Variants in USH2A observed in about 807,000 individuals in gnomAD.
USH2A encodes the protein Usher syndrome 2A (autosomal recessive, mild).
Under a neutral mutation model 538.9 loss-of-function variants are expected in USH2A, and 443 were observed. The ratio of observed to expected loss-of-function variants is 0.82; its 90% confidence interval spans 0.76 to 0.89. USH2A has a LOEUF of 0.89. USH2A is among the 40% of genes least tolerant of loss of function. The pLI is 0.00. For missense variants in USH2A, 6,633 were observed against 6,324.8 expected (o/e 1.05, Z -1.65); for synonymous variants, 2,413 against 2,273.5 (o/e 1.06, Z -1.75).
In USH2A at chr1:216,350,240, TGAA is replaced by T. The variant is rs529887072; in HGVS notation, c.784+14710_784+14712del. Reference sequence around the variant, plus strand: ...TCACCTCCACCCTGGGGATTACAACTGAACATGCATGGGGACACAGATCCAAAC... The same window carrying T: ...TCACCTCCACCCTGGGGATTACAACTCATGCATGGGGACACAGATCCAAAC... On this transcript the variant is annotated intron_variant, in intron 4 of 71. Transcript: ENST00000307340. Among the ~76,000 whole-genome samples, 602 of 152,270 alleles carry T rather than the reference TGAA, an allele frequency of 4.0e-3. 4 individuals carry two copies. The highest frequency in any genetic ancestry group is 0.014 in the African/African-American group (570 of 41,558).
chr1:215,801,992 A>G (rs1451940285), intron 49 of USH2A, among the ~76,000 whole-genome samples: 1 of 151,432 alleles, frequency 6.6e-6, no homozygotes, highest in African/African-American at 2.4e-5. Context: ...GATTTTCAAC[A>G]AAAGTGCCAA....
At chr1:215,817,464 T>C (rs547767021) in intron 47 of USH2A, among the ~76,000 whole-genome samples, 63 of 152,056 alleles carry the variant, frequency 4.1e-4, no homozygotes, top group Non-Finnish European at 7.2e-4. Flanking sequence ...GCATTTTGTT[T>C]GGTAAGCAAA....
chr1:215,866,747 A>C (rs1571762089), intron 44 of USH2A, among the ~76,000 whole-genome samples: 2 of 152,192 alleles, frequency 1.3e-5, no homozygotes, highest in South Asian at 4.1e-4. Flanking sequence ...TCAAAGTAGG[A>C]GAGAGTTTGC....
intron 71 of USH2A, among the ~76,000 whole-genome samples, chr1:215,626,156 C>G (rs1558026611): frequency 6.6e-6 from 1 of 151,210 alleles, no homozygotes; most frequent in African/African-American, 2.4e-5. Flanking sequence ...GTCTACTCAT[C>G]TGTAGAGTGG....
intron 47 of USH2A, 35 bp from the exon 48 acceptor site, chr1:215,817,230 G>T: frequency 3.1e-6 from 5 of 1,603,698 alleles, no homozygotes; most frequent in South Asian, 2.2e-5. Context: ...CTTCTGAAAA[G>T]ACACTATTTA....
At chr1:215,895,878 G>A (rs1299972717) in intron 40 of USH2A, among the ~76,000 whole-genome samples, 1 of 152,106 alleles carries the variant, frequency 6.6e-6, no homozygotes, top group Non-Finnish European at 1.5e-5. Context: ...TAGTTTGTGT[G>A]GTATAGCCTG....
In USH2A at chr1:216,008,750, C is replaced by A. The variant is rs972374945; in HGVS notation, c.6326-8188G>T. ...TTCTCCAACCTTTCTCACTATCCCT[C>A]AACCACTTTCTCCTTTCCACTCTTC... On this transcript the variant is annotated intron_variant, in intron 32 of 71. Coordinates refer to ENST00000307340, the MANE Select transcript of USH2A (RefSeq NM_206933.4). 9.9e-5 allele frequency among the ~76,000 whole-genome samples: 15 copies of A among 152,170 alleles called. 1 individual carries two copies. Among genetic ancestry groups the A allele is most frequent in the Non-Finnish European group, 4.4e-5 (3 of 68,026 alleles).
chr1:216,128,958 A>G (rs1408904366), intron 21 of USH2A, among the ~76,000 whole-genome samples: 3 of 151,890 alleles, frequency 2.0e-5, no homozygotes, highest in African/African-American at 4.8e-5. Flanking sequence ...CTCTGTCTCC[A>G]TGAGATCAAT....
At chr1:216,158,110 T>G (rs928101716) in intron 21 of USH2A, among the ~76,000 whole-genome samples, 1 of 152,174 alleles carries the variant, frequency 6.6e-6, no homozygotes, top group Non-Finnish European at 1.5e-5. Context: ...CTGAATAAAT[T>G]TATTATAATT....
At chr1:216,314,094 T>A (rs1355139648) in intron 9 of USH2A, among the ~76,000 whole-genome samples, 2 of 152,144 alleles carry the variant, frequency 1.3e-5, no homozygotes, top group Non-Finnish European at 2.9e-5. Flanking sequence ...TTCCTCACCT[T>A]TAGATAATTC....
chr1:215,865,606 C>G (rs1460685489), intron 44 of USH2A, among the ~76,000 whole-genome samples: 1 of 152,026 alleles, frequency 6.6e-6, no homozygotes, highest in Non-Finnish European at 1.5e-5. Context: ...AAACACATCC[C>G]CAGATAAAAA....
chr1:215,798,186 G>C (rs552079321), intron 50 of USH2A, among the ~76,000 whole-genome samples: 3 of 152,304 alleles, frequency 2.0e-5, no homozygotes, highest in East Asian at 3.9e-4. Context: ...ATGAGGAGTT[G>C]CTTCTTAGGG....
At chr1:215,670,332 C>T (rs1273078965) in intron 64 of USH2A, among the ~76,000 whole-genome samples, 1 of 152,300 alleles carries the variant, frequency 6.6e-6, no homozygotes, top group East Asian at 1.9e-4. Context: ...CATTCTCCCA[C>T]AGGAAATGAG....
chr1:215,934,693 T>C lies in USH2A; in HGVS notation c.7223A>G (p.Tyr2408Cys), dbSNP rs776258056. Reference sequence around the variant, plus strand: ...ATTTGAAATATTCACTTGTACAGTATAGTTGGTAAAAGGAACCAGCCCATC... The same window carrying C: ...ATTTGAAATATTCACTTGTACAGTACAGTTGGTAAAAGGAACCAGCCCATC... ...LIDGLVPFTN[Y>C]TVQVNISNSQ... Residue 2408 changes from tyrosine to cysteine, a missense_variant, in exon 38 of 72, where the codon TAT becomes TGT. Coordinates refer to ENST00000307340, the MANE Select transcript of USH2A (RefSeq NM_206933.4). 2.3e-5 allele frequency: 37 copies of C among 1,612,764 alleles called. No individual in the cohort carries two copies. Among genetic ancestry groups the C allele is most frequent in the Non-Finnish European group, 3.1e-5 (37 of 1,179,168 alleles).
chr1:215,715,942 C>T (rs1659470562), intron 61 of USH2A, among the ~76,000 whole-genome samples: 1 of 152,186 alleles, frequency 6.6e-6, no homozygotes, highest in Admixed American at 6.5e-5. Flanking sequence ...TTAATTTCTG[C>T]ACCCTTCAGG....
chr1:216,149,673 C>T (rs2033793648), intron 21 of USH2A, among the ~76,000 whole-genome samples: 1 of 152,158 alleles, frequency 6.6e-6, no homozygotes, highest in African/African-American at 2.4e-5. Flanking sequence ...AGTGCTCTAG[C>T]AGGCTAGACA....
At chr1:216,272,965 T>C (rs958238079) in intron 11 of USH2A, among the ~76,000 whole-genome samples, 3 of 151,996 alleles carry the variant, frequency 2.0e-5, no homozygotes, top group African/African-American at 7.2e-5. Flanking sequence ...CTCTTGGGTC[T>C]CTCTAAATCC....
At chr1:216,060,565 C>T (rs12090196) in intron 30 of USH2A, among the ~76,000 whole-genome samples, 12,377 of 152,148 alleles carry the variant, frequency 0.081, 602 homozygotes, top group African/African-American at 0.14. Flanking sequence ...ATTTGCCAAA[C>T]TATAGCAAAT....
chr1:215,825,636 TGGTTATGTTTACAC>T (rs1339464942), intron 47 of USH2A, among the ~76,000 whole-genome samples: 1 of 152,154 alleles, frequency 6.6e-6, no homozygotes, highest in African/African-American at 2.4e-5. Context: ...CTAGATTATC[TGGTTATGTTTACAC>T]AGGCTTTTTT....
Sources: gnomAD v4.1 joint callset for allele counts (sites outside exome capture counted in the v4.1 genomes callset) on GRCh38, gnomAD v4.1.1 for gene constraint, MANE v1.5 for transcripts, NCBI Gene and HGNC (gene_info 2026-07-23, HGNC 2026-07-21) for gene names.